CACNA1H: variants seen among roughly 807,000 people sequenced by gnomAD.
CACNA1H encodes the protein calcium voltage-gated channel subunit alpha1 H, also known as voltage-dependent T-type calcium channel subunit alpha-1H.
A neutral mutation model predicts 192.5 loss-of-function variants in CACNA1H; 149 were observed. The observed-to-expected ratio is 0.77, with a 90% CI of 0.68 to 0.89. The LOEUF (loss-of-function observed/expected upper bound fraction) is 0.89. Among genes scored for constraint, CACNA1H ranks in the 40% least tolerant of loss-of-function variants. The pLI is 0.00. For synonymous variants in CACNA1H, 2,202 were observed against 1,475.2 expected (o/e 1.49, Z -11.29); for missense variants, 4,257 against 3,423.5 (o/e 1.24, Z -6.08).
Position 1,220,565 on chromosome 16 carries a change from C to A in CACNA1H, c.6633C>A (p.Gly2211=), listed in dbSNP as rs1362184958. ...EGSARPSAAE[G]GSTTLRRRTP... is the part of the protein sequence containing the mutation. ...CTGCGCGGCCCTCCGCGGCAGAGGGCGGCAGCACCACACTGAGGCGCAGGA... is the reference window on the plus strand; with the variant it reads ...CTGCGCGGCCCTCCGCGGCAGAGGGAGGCAGCACCACACTGAGGCGCAGGA... The change falls in exon 35 of 35, where the codon GGC becomes GGA. Residue 2211 remains glycine, a synonymous_variant. Transcript: ENST00000348261. 6.5e-7 allele frequency: 1 copy of A among 1,533,452 alleles called. No homozygotes were observed. The highest frequency in any genetic ancestry group is 8.7e-7 in the Non-Finnish European group (1 of 1,146,808). 95.0% of individuals were successfully genotyped at this position (1,533,452 alleles called of 1,614,324 possible). A position where few individuals can be genotyped will look rare whatever the true frequency, so the allele number is the denominator to read the frequency against.
At chr16:1,153,616 GAC>G (rs1961870556) in intron 1 of CACNA1H, 102 bp from the exon 2 acceptor site, 1 of 694,546 alleles carries the variant, frequency 1.4e-6, no homozygotes, top group Non-Finnish European at 1.9e-6. Context: ...AATAAGAAAA[GAC>G]AAAGACATCC....
intron 12 of CACNA1H, chr16:1,206,768 C>T (rs959488652): frequency 1.5e-5 from 8 of 524,484 alleles, no homozygotes; most frequent in African/African-American, 3.8e-5. Context: ...GTCTGTCCCG[C>T]CTCTGGTCTT....
intron 2 of CACNA1H, among the ~76,000 whole-genome samples, chr16:1,161,108 C>G (rs112099735): frequency 6.6e-6 from 1 of 152,196 alleles, no homozygotes; most frequent in African/African-American, 2.4e-5. Flanking sequence ...GCAGAACTGG[C>G]TCCTGCAGAA....
intron 2 of CACNA1H, among the ~76,000 whole-genome samples, chr16:1,166,721 C>A (rs939260592): frequency 1.3e-5 from 2 of 152,166 alleles, no homozygotes; most frequent in African/African-American, 4.8e-5. Context: ...CGGCTTCTCT[C>A]GAGCTTTGTG....
intron 17 of CACNA1H, 58 bp downstream of exon 17, chr16:1,209,470 C>T (rs1969166896): frequency 2.5e-6 from 4 of 1,574,558 alleles, no homozygotes; most frequent in Non-Finnish European, 3.4e-6. Flanking sequence ...GGGGCAGGTT[C>T]CCTCAAGTGG....
At position 1,204,471 on chromosome 16, in the gene CACNA1H, C is replaced by T. The variant is rs1968405623; in HGVS notation, c.2451+13C>T. 2 of 1,517,734 alleles carry T rather than the reference C, an allele frequency of 1.3e-6. No homozygotes were observed. The highest frequency in any genetic ancestry group is 1.4e-5 in the African/African-American group (1 of 71,940). The allele number at this position is 1,517,734 out of a possible 1,614,324, so 94.0% of individuals were successfully genotyped here. ...GTACCATGAGCAGGTGCGGGCTGGCCTGGCCACGGGGTGGGCTCCCTGTCA... is the reference window on the plus strand; with the variant it reads ...GTACCATGAGCAGGTGCGGGCTGGCTTGGCCACGGGGTGGGCTCCCTGTCA... On this transcript the variant is annotated intron_variant, in intron 10 of 34. Coordinates refer to ENST00000348261, the MANE Select transcript of CACNA1H (RefSeq NM_021098.3).
At chr16:1,174,778 T>C (rs1020358327) in intron 2 of CACNA1H, among the ~76,000 whole-genome samples, 12 of 152,204 alleles carry the variant, frequency 7.9e-5, no homozygotes, top group Admixed American at 2.0e-4. Flanking sequence ...ATCGAGTCGT[T>C]GGTGGATCGA....
rs375982567 is a variant in CACNA1H at position 1,195,917 on chromosome 16, C to T, written c.546-9C>T. The T allele has an allele frequency of 1.7e-5, 28 of 1,610,834 alleles. No individual in the cohort carries two copies. The highest frequency in any genetic ancestry group is 1.6e-4 in the East Asian group (7 of 44,878). ...TTGTTGAGCTGCTCCCCCTCGGCCC[C>T]GCCCCCAGCATGATGGAGTACTCGT... On this transcript the variant is annotated splice_polypyrimidine_tract_variant and intron_variant, in intron 4 of 34. Transcript: ENST00000348261.
At chr16:1,156,502 C>T (rs578238370) in intron 2 of CACNA1H, among the ~76,000 whole-genome samples, 47 of 152,262 alleles carry the variant, frequency 3.1e-4, no homozygotes, top group African/African-American at 1.1e-3. Context: ...GCTTCAGATT[C>T]CTGGGAGTTG....
intron 31 of CACNA1H, 116 bp downstream of exon 31, chr16:1,217,126 C>T: frequency 1.2e-6 from 1 of 860,126 alleles, no homozygotes; most frequent in Non-Finnish European, 1.8e-6. Context: ...TGATCAGGGC[C>T]ACACGCCTCC....
chr16:1,177,845 T>C (rs1381272513), intron 2 of CACNA1H, among the ~76,000 whole-genome samples: 1 of 151,862 alleles, frequency 6.6e-6, no homozygotes, highest in African/African-American at 2.4e-5. Flanking sequence ...CCGCCGCTCC[T>C]GACCTCACCT....
intron 2 of CACNA1H, among the ~76,000 whole-genome samples, chr16:1,160,531 T>C (rs942954203): frequency 2.0e-5 from 3 of 152,136 alleles, no homozygotes; most frequent in African/African-American, 7.2e-5. Context: ...CCCAGAGCAC[T>C]GTGCCCGCCG....
rs539154997 is a variant in CACNA1H, at chr16:1,163,084, C to T, written c.299+9048C>T. On this transcript the variant is annotated intron_variant, in intron 2 of 34. Transcript: ENST00000348261. ...GTGTGTCCCTCACTCGTCACCCAGCCTCTCTGTTCTGGGCAGGTGAGGCAG... is the reference window on the plus strand; with the variant it reads ...GTGTGTCCCTCACTCGTCACCCAGCTTCTCTGTTCTGGGCAGGTGAGGCAG... Among the ~76,000 whole-genome samples, 3 of 152,366 alleles carry T rather than the reference C, an allele frequency of 2.0e-5. No homozygotes were observed. In the South Asian group the frequency reaches 6.2e-4, roughly 32 times the overall value.
intron 2 of CACNA1H, among the ~76,000 whole-genome samples, chr16:1,169,025 C>T (rs1178406646): frequency 1.3e-5 from 2 of 152,162 alleles, no homozygotes; most frequent in African/African-American, 2.4e-5. Flanking sequence ...GTTACGAGTG[C>T]GTGGGCTCGG....
intron 2 of CACNA1H, chr16:1,158,008 T>C (rs1484216410): frequency 6.6e-6 from 1 of 151,036 alleles, no homozygotes; most frequent in African/African-American, 2.5e-5. Flanking sequence ...CCCTTGCCCG[T>C]GGCGCCCTTG....
rs532369032 is a variant in CACNA1H, at chr16:1,214,956, G to T, written c.4930-16G>T. 6.3e-7 allele frequency: 1 copy of T among 1,581,682 alleles called. No individual in the cohort carries two copies. ...GCCCCAGCCCCACCTCAGCCAGCCCGACCCTCCACCCCCAGTCGCTGGACG... is the reference window on the plus strand; with the variant it reads ...GCCCCAGCCCCACCTCAGCCAGCCCTACCCTCCACCCCCAGTCGCTGGACG... On this transcript the variant is annotated splice_polypyrimidine_tract_variant and intron_variant, in intron 27 of 34. Transcript: ENST00000348261.
intron 2 of CACNA1H, among the ~76,000 whole-genome samples, chr16:1,175,912 T>C (rs1964837381): frequency 6.6e-6 from 1 of 152,172 alleles, no homozygotes; most frequent in Non-Finnish European, 1.5e-5. Context: ...GGACCCCCAG[T>C]GCAGGCTCTG....
In CACNA1H at chr16:1,180,899, G is replaced by A. The variant is rs190360166; in HGVS notation, c.300-14073G>A. Among the ~76,000 whole-genome samples, 5 of 152,224 alleles carry A rather than the reference G, an allele frequency of 3.3e-5. No homozygotes were observed. In the South Asian group the frequency reaches 6.2e-4, roughly 19 times the overall value. ...GCTGAGGACAGACCTGCTGGGCCGCGTTGGCAGGGGCTCACCCCGTCTTCC... is the reference window on the plus strand; with the variant it reads ...GCTGAGGACAGACCTGCTGGGCCGCATTGGCAGGGGCTCACCCCGTCTTCC... On this transcript the variant is annotated intron_variant, in intron 2 of 34. Coordinates refer to ENST00000348261, the MANE Select transcript of CACNA1H (RefSeq NM_021098.3). This position sits in a 1 kb window ranked among gnomAD's most constrained non-coding sequence, Gnocchi z 4.4.
chr16:1,175,367 C>A (rs938620485), intron 2 of CACNA1H, among the ~76,000 whole-genome samples: 4 of 152,144 alleles, frequency 2.6e-5, no homozygotes, highest in African/African-American at 4.8e-5. Flanking sequence ...GGTAGTTTTG[C>A]ATTATACAGG....
Sources: gnomAD v4.1 joint callset for allele counts (sites outside exome capture counted in the v4.1 genomes callset) on GRCh38, gnomAD v4.1.1 for gene constraint, Gnocchi (gnomAD v3.1) non-coding constraint, MANE v1.5 for transcripts, NCBI Gene and HGNC (gene_info 2026-07-23, HGNC 2026-07-21) for gene names.